The following EFR3B variants were observed in gnomAD, a reference collection of about 807,000 sequenced individuals.
The protein encoded by EFR3B is EFR3 homolog B, also known as protein EFR3 homolog B.
EFR3B carries 64 observed loss-of-function variants against 104.7 expected under a neutral mutation model. The ratio of observed to expected loss-of-function variants is 0.61; its 90% CI spans 0.50 to 0.75. The LOEUF is 0.75. Among genes scored for constraint, EFR3B ranks in the 30% least tolerant of loss-of-function variants. The pLI is 0.00. For synonymous variants in EFR3B, 385 were observed against 417.9 expected, an observed-to-expected ratio of 0.92 and a Z score of 0.96; for missense variants, 750 against 1,078.5, an observed-to-expected ratio of 0.70 and a Z score of 4.27.
intron 4 of EFR3B, among the ~76,000 whole-genome samples, chr2:25,109,128 G>C (rs887562004): frequency 2.0e-5 from 3 of 151,224 alleles, no homozygotes; most frequent in Admixed American, 2.0e-4. Flanking sequence ...ATCTAATAAG[G>C]GTTCAATAAC....
At chr2:25,118,774 T>C (rs540428150) in intron 4 of EFR3B, among the ~76,000 whole-genome samples, 134 of 136,562 alleles carry the variant, frequency 9.8e-4, no homozygotes, top group Non-Finnish European at 1.6e-3. Context: ...GGCGTGGTGG[T>C]TCACACCTGT....
rs1670221500 is a variant in EFR3B, at chr2:25,128,279, T to C, written c.582T>C (p.Asp194=). Residue 194 remains aspartate, a synonymous_variant, in exon 6 of 23, where the codon GAT becomes GAC. Transcript: ENST00000403714. The part of the protein sequence containing the change: ...QANIWDPQHM[D]KIVPSLLFNL... ...ATATCTGGGACCCACAGCACATGGATAAGATCGTTCCATCACTGCTTTTCA... is the reference window on the plus strand; with the variant it reads ...ATATCTGGGACCCACAGCACATGGACAAGATCGTTCCATCACTGCTTTTCA... The C allele has an allele frequency of 4.5e-6, 7 of 1,551,694 alleles. No homozygotes were observed. Among genetic ancestry groups the C allele is most frequent in the Non-Finnish European group, 5.2e-6 (6 of 1,147,034 alleles).
At chr2:25,085,687 A>T (rs1265021087) in intron 1 of EFR3B, among the ~76,000 whole-genome samples, 1 of 151,796 alleles carries the variant, frequency 6.6e-6, no homozygotes, top group African/African-American at 2.4e-5. Flanking sequence ...CTGGTCTCGA[A>T]CTCATGACCT....
intron 1 of EFR3B, chr2:25,080,273 C>G: frequency 1.2e-6 from 1 of 822,050 alleles, no homozygotes; most frequent in Admixed American, 2.6e-5. Context: ...GCTGGAGTCC[C>G]TCCCCAAAGC....
In EFR3B at chr2:25,156,411, C is replaced by G. The variant is rs1210405064; in HGVS notation, c.*2071C>G. ...CTCCTGGGTTCAAGTGATTCTCCTGCCTCAGCCTCCTGAGTAGCTGGGATT... is the reference window on the plus strand; with the variant it reads ...CTCCTGGGTTCAAGTGATTCTCCTGGCTCAGCCTCCTGAGTAGCTGGGATT... On this transcript the variant is annotated 3_prime_UTR_variant, in exon 23 of 23. Transcript: ENST00000403714. The G allele has an allele frequency of 6.7e-6, 1 of 149,674 alleles. No individual in the cohort carries two copies. The highest frequency in any genetic ancestry group is 6.7e-5 in the Admixed American group (1 of 14,846). 9.3% of individuals were successfully genotyped at this position (149,674 alleles called of 1,614,324 possible). A position where few individuals can be genotyped will look rare whatever the true frequency, so the allele number is the denominator to read the frequency against.
rs1243190506 is a variant in EFR3B at position 25,137,937 on chromosome 2, C to T, written c.1722+435C>T. Among the ~76,000 whole-genome samples, 3 of 152,106 alleles carry T rather than the reference C, an allele frequency of 2.0e-5. No homozygotes were observed. The highest frequency in any genetic ancestry group is 4.8e-5 in the African/African-American group (2 of 41,510). On this transcript the variant is annotated intron_variant, in intron 15 of 22. Transcript: ENST00000403714. The surrounding 1 kb of genome is among the most constrained non-coding windows in gnomAD (Gnocchi z 4.7). ...CTGTAATCCCAGCACTTTGGGAGGC[C>T]GAGGTGGGTGGACCACTTGAGGTCA...
chr2:25,156,911 T>C lies in EFR3B; in HGVS notation c.*2571T>C, dbSNP rs1671184560. 6.6e-6 allele frequency: 1 copy of C among 152,226 alleles called. No homozygotes were observed. The highest frequency in any genetic ancestry group is 1.5e-5 in the Non-Finnish European group (1 of 68,046). The allele number at this position is 152,226 out of a possible 1,614,324, so 9.4% of individuals were successfully genotyped here. A position where few individuals can be genotyped will look rare whatever the true frequency, so the allele number is the denominator to read the frequency against. On this transcript the variant is annotated 3_prime_UTR_variant, in exon 23 of 23. Transcript: ENST00000403714. ...GCTTGGATGAGAGACCCACTGTTTC[T>C]TGTGCCTACTTAACATTAGGGTTCC...
rs1670662497 is a variant in EFR3B at position 25,141,400 on chromosome 2, T to C, written c.1889T>C (p.Met630Thr). 1 of 1,551,352 alleles carries C rather than the reference T, an allele frequency of 6.4e-7. No individual in the cohort carries two copies. The highest frequency in any genetic ancestry group is 2.0e-5 in the Admixed American group (1 of 50,964). The part of the protein sequence containing the change: ...IETRKKEAPY[M>T]LPEDVFVERP... ...ACCAGGAAGAAAGAGGCTCCATACATGCTCCCCGAGGATGTGTTTGTGGAG... is the reference window on the plus strand; with the variant it reads ...ACCAGGAAGAAAGAGGCTCCATACACGCTCCCCGAGGATGTGTTTGTGGAG... Residue 630 changes from methionine to threonine, a missense_variant, in exon 17 of 23, where the codon ATG becomes ACG. Transcript: ENST00000403714.
rs897581859 is a variant in EFR3B at position 25,093,114 on chromosome 2, G to A, written c.196G>A (p.Gly66Ser). ...CTCTGAGAGGCTCATCCGTGACGTG[G>A]GTCGCCATCGATATGGGTAAGTAGT... Reference protein sequence around the residue: ...YLSERLIRDVGRHRYGYVCIA... With the variant: ...YLSERLIRDVSRHRYGYVCIA... Residue 66 changes from glycine (G) to serine (S), a missense_variant, in exon 3 of 23, where the codon GGT becomes AGT. Gly to Ser is a moderately conservative substitution (Grantham distance 56). Transcript: ENST00000403714. 3 of 1,551,756 alleles carry A rather than the reference G, an allele frequency of 1.9e-6. No homozygotes were observed. The highest frequency in any genetic ancestry group is 2.7e-5 in the African/African-American group (2 of 73,034).
intron 4 of EFR3B, among the ~76,000 whole-genome samples, chr2:25,118,780 C>T (rs994489913): frequency 2.1e-5 from 3 of 142,106 alleles, no homozygotes; most frequent in Admixed American, 1.4e-4. Flanking sequence ...GTGGTTCACA[C>T]CTGTAATCCC....
At chr2:25,103,066 C>G (rs1669467122) in intron 3 of EFR3B, among the ~76,000 whole-genome samples, 1 of 152,226 alleles carries the variant, frequency 6.6e-6, no homozygotes, top group African/African-American at 2.4e-5. Flanking sequence ...TTCCTCCCCA[C>G]TCGAGCCATC....
intron 4 of EFR3B, among the ~76,000 whole-genome samples, chr2:25,113,689 A>G (rs1558607032): frequency 6.6e-6 from 1 of 151,600 alleles, no homozygotes; most frequent in East Asian, 1.9e-4. Context: ...AAAAGAAAAG[A>G]AAAGAAAAAA....
intron 3 of EFR3B, among the ~76,000 whole-genome samples, chr2:25,093,691 C>T (rs958906730): frequency 6.6e-6 from 1 of 152,028 alleles, no homozygotes; most frequent in Non-Finnish European, 1.5e-5. Flanking sequence ...CGTTTCCATA[C>T]AGAAGCCCTC....
rs1670292327 is a variant in EFR3B at position 25,130,246 on chromosome 2, C to A, written c.770+137C>A. 4 of 1,356,548 alleles carry A rather than the reference C, an allele frequency of 2.9e-6. No homozygotes were observed. The highest frequency in any genetic ancestry group is 4.0e-6 in the Non-Finnish European group (4 of 1,001,876). The allele number at this position is 1,356,548 out of a possible 1,614,324, so 84.0% of individuals were successfully genotyped here. A position where few individuals can be genotyped will look rare whatever the true frequency, so the allele number is the denominator to read the frequency against. On this transcript the variant is annotated intron_variant, in intron 7 of 22. Coordinates refer to ENST00000403714, the MANE Select transcript of EFR3B (RefSeq NM_014971.2). The surrounding 1 kb of genome is among the most constrained non-coding windows in gnomAD (Gnocchi z 4.6). ...CAGCCGAGTCGATCCCTTCCCTGTG[C>A]CTGTGTTCCCTGCACTGTGACAGCA...
chr2:25,115,768 A>G (rs1669840167), intron 4 of EFR3B, among the ~76,000 whole-genome samples: 1 of 152,260 alleles, frequency 6.6e-6, no homozygotes, highest in South Asian at 2.1e-4. Flanking sequence ...TGAGGCAGAG[A>G]CAACACAGAG....
intron 4 of EFR3B, among the ~76,000 whole-genome samples, chr2:25,115,395 C>T (rs563679169): frequency 6.5e-4 from 99 of 152,264 alleles, no homozygotes; most frequent in African/African-American, 2.4e-3. Context: ...CTGTCGCAAG[C>T]GGGTTGAGCT....
intron 1 of EFR3B, among the ~76,000 whole-genome samples, chr2:25,053,010 C>T (rs1354036718): frequency 6.6e-6 from 1 of 152,196 alleles, no homozygotes; most frequent in Non-Finnish European, 1.5e-5. Context: ...TGAACCTCAG[C>T]ATTCCAGCTC....
Position 25,042,739 on chromosome 2 carries a change from C to A in EFR3B, c.7+420C>A, listed in dbSNP as rs1049701090. ...AGACGCCCGCGGCCGGTCGTCTGCG[C>A]GGCTCGGAGAAGGCGGGAGGCGGCG... On this transcript the variant is annotated intron_variant, in intron 1 of 22. Coordinates refer to ENST00000403714, the MANE Select transcript of EFR3B (RefSeq NM_014971.2). This position sits in a 1 kb window ranked among gnomAD's most constrained non-coding sequence, Gnocchi z 5.4. 28 of 981,570 alleles carry A rather than the reference C, an allele frequency of 2.9e-5. No individual in the cohort carries two copies. Among genetic ancestry groups the A allele is most frequent in the Admixed American group, 1.2e-4 (2 of 16,428 alleles). 60.8% of individuals were successfully genotyped at this position (981,570 alleles called of 1,614,324 possible).
intron 1 of EFR3B, among the ~76,000 whole-genome samples, chr2:25,079,602 C>T (rs1371770054): frequency 6.6e-6 from 1 of 151,952 alleles, no homozygotes; most frequent in African/African-American, 2.4e-5. Context: ...TTGTAGGACT[C>T]TTATCAATGA....
Sources: gnomAD v4.1 joint callset for allele counts (sites outside exome capture counted in the v4.1 genomes callset) on GRCh38, gnomAD v4.1.1 for gene constraint, Gnocchi (gnomAD v3.1) non-coding constraint, MANE v1.5 for transcripts, NCBI Gene and HGNC (gene_info 2026-07-23, HGNC 2026-07-21) for gene names.